CCDC158: variants seen among roughly 807,000 people sequenced by gnomAD.
The protein encoded by CCDC158 is coiled-coil domain-containing protein 158.
A neutral mutation model predicts 138.6 loss-of-function variants in CCDC158; 116 were observed. The observed-to-expected ratio is 0.84, with a 90% CI of 0.72 to 0.98. The LOEUF (loss-of-function observed/expected upper bound fraction) is 0.98. CCDC158 is among the 50% of genes least tolerant of loss of function. The pLI is 0.00. For synonymous variants in CCDC158, 436 were observed against 442.4 expected (o/e 0.99, Z 0.18); for missense variants, 1,265 against 1,306.1 (o/e 0.97, Z 0.48).
chr4:76,413,870 C>G (rs965596345), intron 1 of CCDC158, among the ~76,000 whole-genome samples: 1 of 152,198 alleles, frequency 6.6e-6, no homozygotes, highest in Non-Finnish European at 1.5e-5. Flanking sequence ...CTGCTTCCAG[C>G]AAGTTTCATG....
At chr4:76,329,071 T>C (rs1469530865) in intron 21 of CCDC158, 104 bp from the exon 22 acceptor site, 2 of 882,926 alleles carry the variant, frequency 2.3e-6, no homozygotes, top group African/African-American at 3.3e-5. Context: ...TGGTTTAAAA[T>C]ATAACCTCAA....
intron 14 of CCDC158, among the ~76,000 whole-genome samples, chr4:76,356,236 A>G (rs1451337292): frequency 6.6e-6 from 1 of 152,190 alleles, no homozygotes; most frequent in Non-Finnish European, 1.5e-5. Flanking sequence ...AACTGTCAAA[A>G]CAGGGTTAAA....
chr4:76,379,304 T>C lies in CCDC158; in HGVS notation c.1015A>G (p.Met339Val), dbSNP rs773556887. 5.6e-6 allele frequency: 9 copies of C among 1,603,572 alleles called. No individual in the cohort carries two copies. Among genetic ancestry groups the C allele is most frequent in the Non-Finnish European group, 6.8e-6 (8 of 1,175,750 alleles). ...LRSELREAKR[M>V]YEDKTEELEK... ...CCTAAACTCACCTTGTCTTCATACA[T>C]CCTTTTGGCTTCCCTTAATTCAGAA... The change falls in exon 9 of 25, where the codon ATG becomes GTG. Residue 339 changes from methionine (M) to valine (V), a missense_variant. Met to Val is a conservative substitution (Grantham distance 21). Coordinates refer to ENST00000682701, the MANE Select transcript of CCDC158 (RefSeq NM_001394954.1).
chr4:76,368,920 A>G (rs1011538525), intron 11 of CCDC158, among the ~76,000 whole-genome samples: 6 of 152,186 alleles, frequency 3.9e-5, no homozygotes, highest in Non-Finnish European at 8.8e-5. Flanking sequence ...TAGTTTAATT[A>G]GTGTCTATAT....
rs1020730785 is a variant in CCDC158, at chr4:76,353,193, A to C, written c.2375T>G (p.Leu792Trp). The change falls in exon 16 of 25, where the codon TTG becomes TGG. Residue 792 changes from leucine to tryptophan, a missense_variant. Physicochemically the swap from Leu to Trp is moderately conservative, Grantham distance 61 (BLOSUM62 -2). Transcript: ENST00000682701. ...ATEKNKMAGE[L>W]EVLRSQERRL... Reference sequence around the variant, plus strand: ...GCGTTCCTGAGATCGCAGAACTTCCAACTCCCCAGCCATCTTGTTTTTTTC... The same window carrying C: ...GCGTTCCTGAGATCGCAGAACTTCCCACTCCCCAGCCATCTTGTTTTTTTC... The C allele has an allele frequency of 6.2e-7, 1 of 1,613,904 alleles. No homozygotes were observed. Among genetic ancestry groups the C allele is most frequent in the Non-Finnish European group, 8.5e-7 (1 of 1,179,894 alleles).
At chr4:76,324,530 T>C (rs1221626583) in intron 23 of CCDC158, among the ~76,000 whole-genome samples, 1 of 152,034 alleles carries the variant, frequency 6.6e-6, no homozygotes, top group Non-Finnish European at 1.5e-5. Context: ...GTTTGATGAG[T>C]ATCTGACAAT....
intron 4 of CCDC158, among the ~76,000 whole-genome samples, chr4:76,390,101 G>GT (rs1579058111): frequency 6.6e-6 from 1 of 152,116 alleles, no homozygotes; most frequent in Non-Finnish European, 1.5e-5. Context: ...CTTCTCTTAA[G>GT]TAGAAAGGCT....
intron 24 of CCDC158, among the ~76,000 whole-genome samples, chr4:76,317,460 C>T (rs780454491): frequency 6.6e-6 from 1 of 152,090 alleles, no homozygotes; most frequent in Non-Finnish European, 1.5e-5. Context: ...GCACTTAACA[C>T]TGGAGCTCCC....
intron 4 of CCDC158, among the ~76,000 whole-genome samples, chr4:76,391,823 A>G (rs1384332881): frequency 6.6e-6 from 1 of 152,020 alleles, no homozygotes; most frequent in Non-Finnish European, 1.5e-5. Flanking sequence ...TCAGAGACAA[A>G]AAAAGGATAC....
intron 24 of CCDC158, 87 bp from the exon 25 acceptor site, chr4:76,313,333 G>C (rs182423371): frequency 1.5e-5 from 11 of 720,358 alleles, no homozygotes; most frequent in Non-Finnish European, 2.3e-5. Context: ...CAGCTTGATA[G>C]TATAGAATAG....
chr4:76,419,706 A>T (rs530420695), intron 1 of CCDC158, among the ~76,000 whole-genome samples: 26 of 151,948 alleles, frequency 1.7e-4, no homozygotes, highest in African/African-American at 5.1e-4. Context: ...GTTTGCATTT[A>T]GGACCCACCT....
chr4:76,328,999 C>T (rs765460723), intron 21 of CCDC158, 32 bp from the exon 22 acceptor site: 2 of 1,548,880 alleles, frequency 1.3e-6, no homozygotes, highest in East Asian at 2.2e-5. Context: ...TGCAAGCATT[C>T]CATTTCACAA....
At chr4:76,344,796 A>G (rs1231389317) in intron 18 of CCDC158, 1 of 1,606,914 alleles carries the variant, frequency 6.2e-7, no homozygotes, top group Non-Finnish European at 8.5e-7. Flanking sequence ...GCCCGACTTC[A>G]ATGGTCCTCG....
In CCDC158 at chr4:76,344,507, C is replaced by A. The variant is rs554448370; in HGVS notation, c.2664+6489G>T. ...GCTCAAGAGCTACAGGCTTGTCCTC[C>A]AGCCAGTGCCTGATGTGCCCCAGCT... On this transcript the variant is annotated intron_variant, in intron 18 of 24. Coordinates refer to ENST00000682701, the MANE Select transcript of CCDC158 (RefSeq NM_001394954.1). The A allele has an allele frequency of 3.2e-4, 259 of 807,400 alleles. 5 individuals carry two copies. The South Asian group carries it at 3.3e-3, about 10-fold the overall frequency. 50.0% of individuals were successfully genotyped at this position (807,400 alleles called of 1,614,324 possible). A position where few individuals can be genotyped will look rare whatever the true frequency, so the allele number is the denominator to read the frequency against.
intron 13 of CCDC158, among the ~76,000 whole-genome samples, chr4:76,358,800 C>T (rs1723831783): frequency 6.6e-6 from 1 of 152,172 alleles, no homozygotes; most frequent in South Asian, 2.1e-4. Context: ...AGGTTTATCT[C>T]CCTACTAGAC....
In CCDC158 at chr4:76,384,106, A is replaced by C. The variant is rs767693974; in HGVS notation, c.708T>G (p.Leu236=). Reference sequence around the variant, plus strand: ...CACTTACTGGAAATATCCTCCCTTTAAGATAAGAAATCTCTGTGTCTAATT... The same window carrying C: ...CACTTACTGGAAATATCCTCCCTTTCAGATAAGAAATCTCTGTGTCTAATT... ...LRELDTEISY[L]KGRIFPVEDQ... Residue 236 remains leucine (L), a synonymous_variant, in exon 6 of 25, where the codon CTT becomes CTG. Coordinates refer to ENST00000682701, the MANE Select transcript of CCDC158 (RefSeq NM_001394954.1). The C allele has an allele frequency of 6.8e-6, 11 of 1,605,990 alleles. No individual in the cohort carries two copies. The South Asian group carries it at 1.2e-4, about 18-fold the overall frequency.
chr4:76,371,298 C>T, intron 10 of CCDC158, 119 bp downstream of exon 10: 2 of 902,244 alleles, frequency 2.2e-6, no homozygotes, highest in East Asian at 2.6e-5. Flanking sequence ...TAATCTATTG[C>T]ATGTATGCAC....
At chr4:76,392,440 C>CA (rs150476306) in intron 4 of CCDC158, among the ~76,000 whole-genome samples, 4,035 of 150,926 alleles carry the variant, frequency 0.027, 176 homozygotes, top group African/African-American at 0.093. Flanking sequence ...GGACAAAACT[C>CA]AAAAAAAATG....
At chr4:76,367,834 C>G in intron 11 of CCDC158, 58 bp from the exon 12 acceptor site, 1 of 1,454,018 alleles carries the variant, frequency 6.9e-7, no homozygotes, top group Non-Finnish European at 9.2e-7. Context: ...TAGGCAACCT[C>G]AAGAGATACA....
Sources: gnomAD v4.1 joint callset for allele counts (sites outside exome capture counted in the v4.1 genomes callset) on GRCh38, gnomAD v4.1.1 for gene constraint, MANE v1.5 for transcripts, NCBI Gene and HGNC (gene_info 2026-07-23, HGNC 2026-07-21) for gene names.